Variants in PORCN observed in about 807,000 individuals in gnomAD.
The protein encoded by PORCN is protein-serine O-palmitoleoyltransferase porcupine.
PORCN carries 1 observed loss-of-function variant against 43.0 expected under a neutral mutation model. That is an observed-to-expected ratio of 0.02 (90% CI 0.01 to 0.11). The LOEUF is 0.11. Ranked by LOEUF, PORCN falls within the 10% of genes least tolerant of loss-of-function variation. The pLI is 1.00. For synonymous variants in PORCN, 148 were observed against 166.4 expected, an observed-to-expected ratio of 0.89 and a Z score of 0.85; for missense variants, 240 against 392.1, an observed-to-expected ratio of 0.61 and a Z score of 3.28.
intron 1 of PORCN, chrX:48,509,422 A>G: frequency 1.3e-6 from 1 of 746,893 alleles, no homozygotes; most frequent in Non-Finnish European, 1.8e-6. Context: ...CCCTCCACTC[A>G]GAGCGACTCT....
At position 48,519,916 on chromosome X, in the gene PORCN, G is replaced by A. The variant is rs1273679284; in HGVS notation, c.1285-459G>A. 3.6e-5 allele frequency among the ~76,000 whole-genome samples: 4 copies of A among 112,245 alleles called. 1 individual carries two copies. The highest frequency in any genetic ancestry group is 1.9e-4 in the Admixed American group (2 of 10,635). On this transcript the variant is annotated intron_variant, in intron 14 of 14. Transcript: ENST00000326194. ...GGAGGCTGAGGCAGGAGAATCTCTTGAACCTGGGAGGTAGAGGTTGCAGTG... is the reference window on the plus strand; with the variant it reads ...GGAGGCTGAGGCAGGAGAATCTCTTAAACCTGGGAGGTAGAGGTTGCAGTG...
chrX:48,512,849 C>T lies in PORCN; in HGVS notation c.701C>T (p.Ala234Val). 8.2e-7 allele frequency: 1 copy of T among 1,212,182 alleles called. No homozygotes were observed. Among genetic ancestry groups the T allele is most frequent in the South Asian group, 1.8e-5 (1 of 57,041 alleles). Residue 234 changes from alanine to valine, a missense_variant, in exon 7 of 15, where the codon GCC becomes GTC. By Grantham distance (64) the Ala-to-Val change is moderately conservative. Transcript: ENST00000326194. Reference protein sequence around the residue: ...DRLLRNKKRKARGTMVRWLRA... With the variant: ...DRLLRNKKRKVRGTMVRWLRA... ...TGTTACTACAGCAAGAAACGCAAAG[C>T]CAGGTAAATGAGGGCAGGTGTGAGG...
chrX:48,514,157 G>A lies in PORCN; in HGVS notation c.719+16G>A, dbSNP rs374043283. On this transcript the variant is annotated intron_variant, in intron 8 of 14. Transcript: ENST00000326194. Reference sequence around the variant, plus strand: ...CCATGGTAAGGTGAGTCTACAGAGCGGGGCCCAGGATGCTGACATGTGGTG... The same window carrying A: ...CCATGGTAAGGTGAGTCTACAGAGCAGGGCCCAGGATGCTGACATGTGGTG... 2.0e-5 allele frequency: 24 copies of A among 1,210,301 alleles called. No individual in the cohort carries two copies. Among genetic ancestry groups the A allele is most frequent in the African/African-American group, 1.2e-4 (7 of 57,277 alleles).
intron 7 of PORCN, 140 bp from the exon 8 acceptor site, chrX:48,513,987 C>A: frequency 1.5e-6 from 1 of 668,502 alleles, no homozygotes; most frequent in Non-Finnish European, 2.3e-6. Context: ...GGGTGGATGT[C>A]TGTGTGTGAC....
intron 12 of PORCN, 48 bp from the exon 13 acceptor site, chrX:48,516,013 C>A: frequency 8.3e-7 from 1 of 1,204,218 alleles, no homozygotes; most frequent in Non-Finnish European, 1.1e-6. Context: ...CTGGAGACAG[C>A]CTCCCCTGAG....
chrX:48,511,260 C>T (rs2061673486), intron 2 of PORCN, 35 bp from the exon 3 acceptor site: 16 of 889,023 alleles, frequency 1.8e-5, no homozygotes, highest in Non-Finnish European at 2.4e-5. Context: ...CTTTCTCGTT[C>T]TCTCTCTCCC....
At chrX:48,509,172 T>G (rs1556973282) in intron 1 of PORCN, 69 bp downstream of exon 1, 1 of 164,199 alleles carries the variant, frequency 6.1e-6, no homozygotes, top group African/African-American at 3.0e-5. Context: ...CAGGCGGATC[T>G]GTAGCGCGAG....
In PORCN at chrX:48,516,131, G is replaced by A. The variant is rs34252975; in HGVS notation, c.1158G>A (p.Ser386=). 4,740 of 1,208,580 alleles carry A rather than the reference G, an allele frequency of 3.9e-3. 144 individuals carry two copies. The African/African-American group carries it at 0.072, about 18-fold the overall frequency. Reference sequence around the variant, plus strand: ...CAAAGCGGTGCCCGCCAGACTGTTCGCACCAGCATCGCTTGGTGAGGGTTC... The same window carrying A: ...CAAAGCGGTGCCCGCCAGACTGTTCACACCAGCATCGCTTGGTGAGGGTTC... The part of the protein sequence containing the change: ...VLSKRCPPDC[S]HQHRLGLGVR... The change falls in exon 13 of 15, where the codon TCG becomes TCA. Residue 386 remains serine (S), a synonymous_variant. Transcript: ENST00000326194.
rs189605519 is a variant in PORCN at position 48,516,552 on chromosome X, C to T, written c.1173+406C>T. ...GAGAAAATGTGTAGGGCAAAGGGGA[C>T]GGGAAGTATGGGGGTGATTTCCATT... On this transcript the variant is annotated intron_variant, in intron 13 of 14. Transcript: ENST00000326194. Among the ~76,000 whole-genome samples the T allele has an allele frequency of 4.3e-4, 48 of 111,236 alleles. No homozygotes were observed. The East Asian group carries it at 9.9e-3, about 23-fold the overall frequency.
chrX:48,514,763 G>A, intron 10 of PORCN, 138 bp downstream of exon 10: 3 of 533,412 alleles, frequency 5.6e-6, no homozygotes, highest in East Asian at 3.5e-5. Context: ...CTCCTGGGGG[G>A]GCAGATGATA....
rs781906860 is a variant in PORCN at position 48,511,327 on chromosome X, G to A, written c.169G>A (p.Val57Met). Reference protein sequence around the residue: ...LPSYLKHASTVAGGFFSLYHF... With the variant: ...LPSYLKHASTMAGGFFSLYHF... The stretch of plus-strand genomic sequence containing the variant: ...ATCCTACCTGAAGCATGCAAGCACC[G>A]TGGCAGGCGGGTTCTTCAGCCTCTA... Residue 57 changes from valine (V) to methionine (M), a missense_variant, in exon 3 of 15, where the codon GTG (valine) becomes ATG (methionine). Transcript: ENST00000326194. 23 of 1,206,054 alleles carry A rather than the reference G, an allele frequency of 1.9e-5. No individual in the cohort carries two copies. The highest frequency in any genetic ancestry group is 1.1e-4 in the Admixed American group (5 of 45,369).
chrX:48,509,535 A>C (rs1359960153), intron 1 of PORCN: 3 of 1,060,777 alleles, frequency 2.8e-6, no homozygotes, highest in Non-Finnish European at 3.7e-6. Flanking sequence ...TGTTCACAGC[A>C]CTGGAGAGAC....
Position 48,514,055 on chromosome X carries a change from A to G in PORCN, c.705-72A>G, listed in dbSNP as rs1446273726. On this transcript the variant is annotated intron_variant, in intron 7 of 14. Transcript: ENST00000326194. The stretch of plus-strand genomic sequence containing the variant: ...CATCTGTCTTGTCTGAACAATTCAG[A>G]CCAGCCTCCAGGGCCTCTCTGACTC... 10 of 1,148,897 alleles carry G rather than the reference A, an allele frequency of 8.7e-6. No homozygotes were observed. The African/African-American group carries it at 1.6e-4, about 18-fold the overall frequency. 94.7% of individuals were successfully genotyped at this position (1,148,897 alleles called of 1,213,427 possible).
chrX:48,511,437 C>T lies in PORCN; in HGVS notation c.279C>T (p.Ser93=), dbSNP rs1556973870. Residue 93 remains serine (S), a synonymous_variant, in exon 3 of 15, where the codon TCC becomes TCT. Coordinates refer to ENST00000326194, the MANE Select transcript of PORCN (RefSeq NM_203475.3). Reference sequence around the variant, plus strand: ...TGCTGTTCCTCTGCCGACATTCCTCCCATCGAGGCGTCTTCCTATCCGTCA... The same window carrying T: ...TGCTGTTCCTCTGCCGACATTCCTCTCATCGAGGCGTCTTCCTATCCGTCA... ...YLVLFLCRHS[S]HRGVFLSVTI... is the part of the protein sequence containing the mutation. The T allele has an allele frequency of 5.0e-6, 6 of 1,211,218 alleles. No individual in the cohort carries two copies. In the South Asian group the frequency reaches 8.8e-5, roughly 18 times the overall value.
chrX:48,515,805 G>A lies in PORCN; in HGVS notation c.1023+12G>A. ...GCGCCCTCCTACATGTGAGCAGGGTGGAGCAGGATCAGGGTGGAAGCTGGG... is the reference window on the plus strand; with the variant it reads ...GCGCCCTCCTACATGTGAGCAGGGTAGAGCAGGATCAGGGTGGAAGCTGGG... On this transcript the variant is annotated intron_variant, in intron 11 of 14. Transcript: ENST00000326194. 8.3e-7 allele frequency: 1 copy of A among 1,207,499 alleles called. No homozygotes were observed. The highest frequency in any genetic ancestry group is 1.1e-6 in the Non-Finnish European group (1 of 891,756).
In PORCN at chrX:48,520,547, G is replaced by A; in HGVS notation, c.*71G>A. 1.3e-6 allele frequency: 1 copy of A among 790,918 alleles called. No individual in the cohort carries two copies. 65.2% of individuals were successfully genotyped at this position (790,918 alleles called of 1,213,427 possible). ...GTGCCACTGATGGGGGATGAGGGAA[G>A]GCCCTCTCTCTACTCCTTGACCCCC... On this transcript the variant is annotated 3_prime_UTR_variant, in exon 15 of 15. Transcript: ENST00000326194.
At chrX:48,514,939 C>T (rs2061705145) in intron 10 of PORCN, among the ~76,000 whole-genome samples, 1 of 111,603 alleles carries the variant, frequency 9.0e-6, no homozygotes, top group Non-Finnish European at 1.9e-5. Context: ...GGGCAAGTCT[C>T]CCTGAGGAGG....
In PORCN at chrX:48,520,597, AACAC is replaced by A. The variant is rs368248747; in HGVS notation, c.*143_*146del. 282 of 479,100 alleles carry A rather than the reference AACAC, an allele frequency of 5.9e-4. No individual in the cohort carries two copies. Among genetic ancestry groups the A allele is most frequent in the Non-Finnish European group, 8.1e-4 (217 of 268,608 alleles). 39.5% of individuals were successfully genotyped at this position (479,100 alleles called of 1,213,427 possible). On this transcript the variant is annotated 3_prime_UTR_variant, in exon 15 of 15. Transcript: ENST00000326194. ...CTCCATCCTTGACCCCCAACACCTC[AACAC>A]ACACACACACACACACACACAAAAT...
intron 9 of PORCN, 47 bp from the exon 10 acceptor site, chrX:48,514,478 G>A: frequency 8.4e-7 from 1 of 1,185,357 alleles, no homozygotes; most frequent in Non-Finnish European, 1.1e-6. Flanking sequence ...GTGGCGGTCA[G>A]ATGAGTTGAG....
Sources: gnomAD v4.1 joint callset for allele counts (sites outside exome capture counted in the v4.1 genomes callset) on GRCh38, gnomAD v4.1.1 for gene constraint, MANE v1.5 for transcripts, NCBI Gene and HGNC (gene_info 2026-07-23, HGNC 2026-07-21) for gene names.